Variants in BMPR1A observed in about 807,000 individuals in gnomAD.
BMPR1A encodes bone morphogenetic protein receptor type-1A.
BMPR1A carries 7 observed loss-of-function variants against 66.0 expected under a neutral mutation model. The observed-to-expected ratio is 0.11, with a 90% CI of 0.06 to 0.20. BMPR1A has a LOEUF of 0.20. Ranked by LOEUF, BMPR1A falls within the 10% of genes least tolerant of loss-of-function variation. The pLI is 1.00. For missense variants in BMPR1A, 408 were observed against 669.1 expected (o/e 0.61, Z 4.31); for synonymous variants, 200 against 229.7 (o/e 0.87, Z 1.17).
At chr10:86,788,243 T>C (rs761217919) in intron 1 of BMPR1A, among the ~76,000 whole-genome samples, 3 of 152,212 alleles carry the variant, frequency 2.0e-5, no homozygotes, top group East Asian at 1.9e-4. Flanking sequence ...AGAGCATACA[T>C]TGAATCAAAT....
chr10:86,796,437 T>A (rs1446398853), intron 1 of BMPR1A, among the ~76,000 whole-genome samples: 1 of 152,098 alleles, frequency 6.6e-6, no homozygotes, highest in African/African-American at 2.4e-5. Flanking sequence ...ACTACCCTTC[T>A]GAAGAAAGTC....
At chr10:86,793,365 G>GTT (rs34602581) in intron 1 of BMPR1A, among the ~76,000 whole-genome samples, 27 of 141,570 alleles carry the variant, frequency 1.9e-4, no homozygotes, top group Middle Eastern at 3.5e-3. Flanking sequence ...CTCACTGACA[G>GTT]TTTTTTTTTT....
At chr10:86,912,678 G>A (rs748323005) in intron 8 of BMPR1A, among the ~76,000 whole-genome samples, 4 of 152,170 alleles carry the variant, frequency 2.6e-5, no homozygotes, top group Non-Finnish European at 5.9e-5. Context: ...AAAGGCAAGA[G>A]TTAGCTCACA....
At chr10:86,787,762 G>C (rs1010763510) in intron 1 of BMPR1A, among the ~76,000 whole-genome samples, 7 of 152,166 alleles carry the variant, frequency 4.6e-5, no homozygotes, top group African/African-American at 1.7e-4. Flanking sequence ...CATGGCAGAA[G>C]GGGAAGAGGA....
At chr10:86,897,671 A>G (rs1029023760) in intron 5 of BMPR1A, among the ~76,000 whole-genome samples, 4 of 152,116 alleles carry the variant, frequency 2.6e-5, no homozygotes, top group African/African-American at 9.7e-5. Context: ...CAGTGGTGCA[A>G]TCACAGCTCA....
intron 11 of BMPR1A, among the ~76,000 whole-genome samples, chr10:86,923,047 TTAG>T (rs1843689877): frequency 6.6e-6 from 1 of 152,234 alleles, no homozygotes; most frequent in African/African-American, 2.4e-5. Flanking sequence ...AAACTATTCA[TTAG>T]TAGGAACAAC....
Position 86,924,358 on chromosome 10 carries a change from C to G in BMPR1A, c.*639C>G, listed in dbSNP as rs1843711213. 4.2e-6 allele frequency: 1 copy of G among 235,734 alleles called. No homozygotes were observed. Among genetic ancestry groups the G allele is most frequent in the South Asian group, 1.8e-4 (1 of 5,672 alleles). 14.6% of individuals were successfully genotyped at this position (235,734 alleles called of 1,614,324 possible). On this transcript the variant is annotated 3_prime_UTR_variant, in exon 13 of 13. Transcript: ENST00000372037. Reference sequence around the variant, plus strand: ...CCGGTGGTTTTGTGCTTTAAAAATGCAATATCTGACCAAGATTCGCCAATC... The same window carrying G: ...CCGGTGGTTTTGTGCTTTAAAAATGGAATATCTGACCAAGATTCGCCAATC...
At chr10:86,860,937 G>C (rs1193625498) in intron 2 of BMPR1A, among the ~76,000 whole-genome samples, 4 of 150,252 alleles carry the variant, frequency 2.7e-5, no homozygotes. Context: ...CACCTCCCGG[G>C]TTCATGCCAT....
chr10:86,813,177 C>A (rs191544224), intron 1 of BMPR1A, among the ~76,000 whole-genome samples: 4 of 152,148 alleles, frequency 2.6e-5, no homozygotes, highest in Non-Finnish European at 5.9e-5. Context: ...GTAATTCTTA[C>A]ACCTGTTAAA....
At chr10:86,862,599 C>T (rs1842726480) in intron 2 of BMPR1A, among the ~76,000 whole-genome samples, 1 of 152,012 alleles carries the variant, frequency 6.6e-6, no homozygotes, top group African/African-American at 2.4e-5. Context: ...GCAATCCAGG[C>T]AAAGGGGTTA....
rs549837814 is a variant in BMPR1A, at chr10:86,879,022, T to A, written c.67+2937T>A. Among the ~76,000 whole-genome samples, 6 of 152,320 alleles carry A rather than the reference T, an allele frequency of 3.9e-5. No individual in the cohort carries two copies. The South Asian group carries it at 1.2e-3, about 32-fold the overall frequency. On this transcript the variant is annotated intron_variant, in intron 3 of 12. Transcript: ENST00000372037. ...ACATGACATTTTGGGCTAGGTGATT[T>A]TTATTTTTTTAAAAAAAAGTTTGAA...
chr10:86,906,214 A>G (rs1843385017), intron 7 of BMPR1A, among the ~76,000 whole-genome samples: 2 of 152,024 alleles, frequency 1.3e-5, no homozygotes, highest in Admixed American at 1.3e-4. Context: ...TCTGACATAC[A>G]TTTTATCTTT....
intron 7 of BMPR1A, among the ~76,000 whole-genome samples, chr10:86,905,478 G>A (rs1843371782): frequency 6.6e-6 from 1 of 152,192 alleles, no homozygotes; most frequent in Non-Finnish European, 1.5e-5. Flanking sequence ...ATTGGTAACA[G>A]AGATTACTTA....
At chr10:86,911,959 AGTC>A (rs1290115283) in intron 7 of BMPR1A, among the ~76,000 whole-genome samples, 1 of 152,144 alleles carries the variant, frequency 6.6e-6, no homozygotes, top group African/African-American at 2.4e-5. Flanking sequence ...GATTATTTGA[AGTC>A]GTATTTTTTT....
At chr10:86,913,289 ATTT>A (rs36002213) in intron 8 of BMPR1A, among the ~76,000 whole-genome samples, 1 of 119,066 alleles carries the variant, frequency 8.4e-6, no homozygotes, top group African/African-American at 3.3e-5. Context: ...CACCAGGCTA[ATTT>A]TTTTTTTTTT....
At chr10:86,894,976 C>A (rs1843205072) in intron 5 of BMPR1A, among the ~76,000 whole-genome samples, 1 of 152,190 alleles carries the variant, frequency 6.6e-6, no homozygotes, top group African/African-American at 2.4e-5. Flanking sequence ...TCAAGCAGTT[C>A]TCTTTCCCTT....
intron 5 of BMPR1A, among the ~76,000 whole-genome samples, chr10:86,893,832 A>G (rs1843190856): frequency 6.6e-6 from 1 of 152,062 alleles, no homozygotes; most frequent in Non-Finnish European, 1.5e-5. Context: ...TAGAAACCTT[A>G]AAGGTTATGT....
upstream of BMPR1A, chr10:86,756,530 CT>C (rs1212613005): frequency 6.7e-6 from 1 of 149,706 alleles, no homozygotes; most frequent in African/African-American, 2.4e-5. Flanking sequence ...GGGCGGGGGC[CT>C]TCCCAGTGCG....
rs545412828 is a variant in BMPR1A, at chr10:86,853,856, AC to A, written c.-153+14878del. On this transcript the variant is annotated intron_variant, in intron 2 of 12. Coordinates refer to ENST00000372037, the MANE Select transcript of BMPR1A (RefSeq NM_004329.3). ...CAGGGCGAGATCACAGGACCACAGG[AC>A]GGGGCGAAATTAAAATTGCTAATGA... Among the ~76,000 whole-genome samples, 186 of 152,322 alleles carry A rather than the reference AC, an allele frequency of 1.2e-3. 1 individual carries two copies. The highest frequency in any genetic ancestry group is 4.2e-3 in the African/African-American group (176 of 41,568).
Sources: gnomAD v4.1 joint callset for allele counts (sites outside exome capture counted in the v4.1 genomes callset) on GRCh38, gnomAD v4.1.1 for gene constraint, MANE v1.5 for transcripts, NCBI Gene and HGNC (gene_info 2026-07-23, HGNC 2026-07-21) for gene names.